The following CDH6 variants were observed in gnomAD, a reference collection of about 807,000 sequenced individuals.
The protein encoded by CDH6 is cadherin-6.
Under a neutral mutation model 78.0 loss-of-function variants are expected in CDH6, and 31 were observed. That is an observed-to-expected ratio of 0.40 (90% CI 0.30 to 0.54). The LOEUF (loss-of-function observed/expected upper bound fraction) is 0.54, where lower values mean the gene tolerates loss of function less well. Ranked by LOEUF, CDH6 falls within the 20% of genes least tolerant of loss-of-function variation. The probability of loss-of-function intolerance (pLI) is 0.56; values close to 1 mark genes in which losing one functional copy is unlikely to be tolerated. For synonymous variants in CDH6, 376 were observed against 368.8 expected (o/e 1.02, Z -0.23); for missense variants, 724 against 975.9 (o/e 0.74, Z 3.44).
In CDH6 at chr5:31,237,902, T is replaced by C. The variant is rs574053616; in HGVS notation, c.-128-29444T>C. The stretch of plus-strand genomic sequence containing the variant: ...TGGAGTCAGTTTCCTCCTCTGTCAA[T>C]GGAGATCATGAGGTCTACCCTGCAG... On this transcript the variant is annotated intron_variant, in intron 1 of 11. Coordinates refer to ENST00000265071, the MANE Select transcript of CDH6 (RefSeq NM_004932.4). Among the ~76,000 whole-genome samples, 6 of 152,320 alleles carry C rather than the reference T, an allele frequency of 3.9e-5. No homozygotes were observed. In the South Asian group the frequency reaches 1.0e-3, roughly 26 times the overall value.
chr5:31,199,548 A>G (rs1308835066), intron 1 of CDH6, among the ~76,000 whole-genome samples: 2 of 147,694 alleles, frequency 1.4e-5, no homozygotes, highest in Non-Finnish European at 3.0e-5. Context: ...ATGTATACAC[A>G]CATATGTGTA....
intron 1 of CDH6, among the ~76,000 whole-genome samples, chr5:31,233,057 A>G (rs115596166): frequency 0.016 from 2,381 of 152,270 alleles, 67 homozygotes; most frequent in African/African-American, 0.054. Context: ...TTACCATGCA[A>G]TGAACAACTG....
At chr5:31,261,469 C>T (rs1432417665) in intron 1 of CDH6, among the ~76,000 whole-genome samples, 1 of 152,070 alleles carries the variant, frequency 6.6e-6, no homozygotes, top group East Asian at 1.9e-4. Context: ...GTATAGACCA[C>T]ATTTACAGAA....
At chr5:31,262,895 C>T (rs1195762236) in intron 1 of CDH6, among the ~76,000 whole-genome samples, 1 of 152,158 alleles carries the variant, frequency 6.6e-6, no homozygotes, top group Non-Finnish European at 1.5e-5. Flanking sequence ...CTCAAAGTTG[C>T]GCTGCTTCCG....
intron 1 of CDH6, among the ~76,000 whole-genome samples, chr5:31,224,350 T>A (rs146418571): frequency 1.9e-3 from 283 of 152,224 alleles, no homozygotes; most frequent in African/African-American, 6.6e-3. Flanking sequence ...CCCCACAACA[T>A]GTGGGAATTC....
At position 31,199,218 on chromosome 5, in the gene CDH6, T is replaced by TAC. The variant is rs1361695884; in HGVS notation, c.-129+5340_-129+5341dup. On this transcript the variant is annotated intron_variant, in intron 1 of 11. Coordinates refer to ENST00000265071, the MANE Select transcript of CDH6 (RefSeq NM_004932.4). Reference sequence around the variant, plus strand: ...TCTTTACATGGTAAATATATATATATACACACACATACACACACACACATA... The same window carrying TAC: ...TCTTTACATGGTAAATATATATATATACACACACACATACACACACACACATA... Among the ~76,000 whole-genome samples, 18 of 151,490 alleles carry TAC rather than the reference T, an allele frequency of 1.2e-4. No homozygotes were observed. The South Asian group carries it at 2.3e-3, about 19-fold the overall frequency.
At chr5:31,302,903 A>AAAAGAAAAAGAAAG (rs1554010013) in intron 6 of CDH6, among the ~76,000 whole-genome samples, 58 of 90,454 alleles carry the variant, frequency 6.4e-4, no homozygotes, top group Non-Finnish European at 1.2e-3. Context: ...AAGAAAGAAA[A>AAAAGAAAAAGAAAG]AAAGAAAGAA....
At chr5:31,295,022 CA>C (rs1029941525) in intron 3 of CDH6, among the ~76,000 whole-genome samples, 2 of 152,108 alleles carry the variant, frequency 1.3e-5, no homozygotes, top group African/African-American at 4.8e-5. Context: ...TTCACTCTGT[CA>C]GATTCAAAAG....
chr5:31,270,638 T>G (rs1243221009), intron 2 of CDH6, among the ~76,000 whole-genome samples: 1 of 152,104 alleles, frequency 6.6e-6, no homozygotes, highest in Admixed American at 6.6e-5. Flanking sequence ...TCGCAAGGGG[T>G]CTGCAGAGGT....
At chr5:31,199,685 G>GTGTATATATATATATATATA (rs796740950) in intron 1 of CDH6, among the ~76,000 whole-genome samples, 11 of 79,848 alleles carry the variant, frequency 1.4e-4, no homozygotes, top group Non-Finnish European at 2.1e-4. Context: ...GTGTGTGTGT[G>GTGTATATATATATATATATA]TATATATATA....
intron 1 of CDH6, among the ~76,000 whole-genome samples, chr5:31,264,182 A>C (rs1561048452): frequency 6.6e-6 from 1 of 152,242 alleles, no homozygotes; most frequent in African/African-American, 2.4e-5. Context: ...TCTATTCTTT[A>C]ATTTTAAGAA....
intron 2 of CDH6, among the ~76,000 whole-genome samples, chr5:31,278,438 G>T (rs1742761896): frequency 6.6e-6 from 1 of 152,178 alleles, no homozygotes. Flanking sequence ...ATTGTATCAT[G>T]AAAGCTGGTT....
chr5:31,231,257 A>G (rs887728757), intron 1 of CDH6, among the ~76,000 whole-genome samples: 19 of 152,202 alleles, frequency 1.2e-4, no homozygotes, highest in African/African-American at 4.6e-4. Context: ...ATAGTGGTTT[A>G]GCAATAAGGA....
At chr5:31,275,837 T>C (rs1033113254) in intron 2 of CDH6, among the ~76,000 whole-genome samples, 1 of 152,236 alleles carries the variant, frequency 6.6e-6, no homozygotes, top group Non-Finnish European at 1.5e-5. Flanking sequence ...GAATACATTG[T>C]AACCAGAATT....
At chr5:31,259,510 G>A (rs1388789472) in intron 1 of CDH6, among the ~76,000 whole-genome samples, 6 of 152,108 alleles carry the variant, frequency 3.9e-5, no homozygotes, top group African/African-American at 7.2e-5. Context: ...TCCCGGTCTT[G>A]TTTAAGCTTC....
At chr5:31,247,464 T>C (rs1018077433) in intron 1 of CDH6, among the ~76,000 whole-genome samples, 1 of 152,216 alleles carries the variant, frequency 6.6e-6, no homozygotes, top group Non-Finnish European at 1.5e-5. Context: ...GGCATATTGG[T>C]TTGCTGCCCC....
intron 1 of CDH6, among the ~76,000 whole-genome samples, chr5:31,212,762 G>GCA (rs72457836): frequency 0.02 from 2,902 of 148,230 alleles, 77 homozygotes; most frequent in African/African-American, 0.06. Flanking sequence ...ACATGAACGT[G>GCA]CACACACACA....
chr5:31,195,343 G>A (rs1467580088), intron 1 of CDH6, among the ~76,000 whole-genome samples: 2 of 152,136 alleles, frequency 1.3e-5, no homozygotes, highest in African/African-American at 4.8e-5. Context: ...AAGGAACCCA[G>A]GGATATGCCT....
At chr5:31,230,534 C>G (rs1260103654) in intron 1 of CDH6, among the ~76,000 whole-genome samples, 3 of 152,144 alleles carry the variant, frequency 2.0e-5, no homozygotes, top group African/African-American at 4.8e-5. Context: ...CCTGTTGCAT[C>G]TTTAAGAAAG....
Sources: allele counts gnomAD v4.1 joint callset (sites outside exome capture counted in the v4.1 genomes callset), GRCh38; gene constraint gnomAD v4.1.1; transcripts MANE v1.5; gene names NCBI Gene and HGNC (gene_info 2026-07-23, HGNC 2026-07-21).